RERE: variants seen among roughly 807,000 people sequenced by gnomAD.
RERE encodes the protein arginine-glutamic acid dipeptide repeats, also known as arginine-glutamic acid dipeptide repeats protein.
In RERE, 40 loss-of-function variants were observed where a neutral mutation model predicts 146.1. The observed-to-expected ratio is 0.27, with a 90% CI of 0.21 to 0.36. The LOEUF is 0.36. Ranked by LOEUF, RERE falls within the 10% of genes least tolerant of loss-of-function variation. RERE has a pLI of 1.00. For missense variants in RERE, 1,933 were observed against 2,138.7 expected (o/e 0.90, Z 1.90); for synonymous variants, 1,003 against 866.0 (o/e 1.16, Z -2.78).
chr1:8,660,735 C>G (rs967164351), intron 1 of RERE, among the ~76,000 whole-genome samples: 2 of 152,206 alleles, frequency 1.3e-5, no homozygotes, highest in East Asian at 1.9e-4. Context: ...GCCCCCAAAG[C>G]TATTTTTCTC....
intron 4 of RERE, among the ~76,000 whole-genome samples, chr1:8,568,257 G>A (rs746217491): frequency 3.3e-5 from 5 of 152,196 alleles, no homozygotes; most frequent in Admixed American, 6.5e-5. Flanking sequence ...TCACACCAGC[G>A]GCCCCCCAGG....
At chr1:8,652,270 C>G (rs892356256) in intron 2 of RERE, among the ~76,000 whole-genome samples, 1 of 152,184 alleles carries the variant, frequency 6.6e-6, no homozygotes, top group Non-Finnish European at 1.5e-5. Context: ...CCATGTGTGG[C>G]CTTTATAGAT....
intron 1 of RERE, among the ~76,000 whole-genome samples, chr1:8,703,719 T>C (rs1387832745): frequency 6.6e-6 from 1 of 152,160 alleles, no homozygotes; most frequent in African/African-American, 2.4e-5. Context: ...TGATCAGCAT[T>C]TCACACATCC....
At chr1:8,409,785 C>G (rs1643561025) in intron 12 of RERE, among the ~76,000 whole-genome samples, 1 of 152,096 alleles carries the variant, frequency 6.6e-6, no homozygotes, top group South Asian at 2.1e-4. Flanking sequence ...TCAGCATGGA[C>G]AAGTTCCTGG....
At chr1:8,799,945 T>C (rs1402652220) in intron 1 of RERE, among the ~76,000 whole-genome samples, 1 of 151,896 alleles carries the variant, frequency 6.6e-6, no homozygotes, top group African/African-American at 2.4e-5. Flanking sequence ...TCCCAAGTAG[T>C]TGGGATTACA....
chr1:8,592,156 T>C (rs577931582), intron 4 of RERE, among the ~76,000 whole-genome samples: 1 of 152,270 alleles, frequency 6.6e-6, no homozygotes, highest in African/African-American at 2.4e-5. Context: ...TCACAGGCCA[T>C]TTCATGTTTA....
chr1:8,640,061 G>A (rs1448754560), intron 2 of RERE, among the ~76,000 whole-genome samples: 1 of 152,084 alleles, frequency 6.6e-6, no homozygotes, highest in African/African-American at 2.4e-5. Context: ...GCTGAAGTGG[G>A]GAGGACTGCT....
intron 11 of RERE, among the ~76,000 whole-genome samples, chr1:8,426,147 A>G (rs1644008950): frequency 6.6e-6 from 1 of 152,148 alleles, no homozygotes; most frequent in Non-Finnish European, 1.5e-5. Flanking sequence ...TAAAGTCCTC[A>G]GTATTCTTCC....
chr1:8,705,171 G>A (rs1639533289), intron 1 of RERE, among the ~76,000 whole-genome samples: 1 of 152,150 alleles, frequency 6.6e-6, no homozygotes, highest in Non-Finnish European at 1.5e-5. Context: ...GGAAAAGGCT[G>A]GTGAGAAGAA....
At chr1:8,522,201 T>C (rs1177489619) in intron 7 of RERE, among the ~76,000 whole-genome samples, 3 of 152,248 alleles carry the variant, frequency 2.0e-5, no homozygotes, top group Non-Finnish European at 4.4e-5. Flanking sequence ...TGATAACTAA[T>C]TATCTGTGCT....
chr1:8,792,883 G>A (rs1641388082), intron 1 of RERE, among the ~76,000 whole-genome samples: 1 of 152,102 alleles, frequency 6.6e-6, no homozygotes, highest in African/African-American at 2.4e-5. Context: ...AAGGCCGGGT[G>A]CAGTGGCTCA....
intron 1 of RERE, among the ~76,000 whole-genome samples, chr1:8,678,974 T>C (rs1638905621): frequency 6.6e-6 from 1 of 152,174 alleles, no homozygotes; most frequent in South Asian, 2.1e-4. Flanking sequence ...TTCAATTAAA[T>C]AAAATTTTTA....
chr1:8,714,403 T>C (rs1260726004), intron 1 of RERE, among the ~76,000 whole-genome samples: 1 of 152,190 alleles, frequency 6.6e-6, no homozygotes, highest in Non-Finnish European at 1.5e-5. Flanking sequence ...TGGAAGACAA[T>C]AGAGTAACGC....
intron 1 of RERE, among the ~76,000 whole-genome samples, chr1:8,811,191 G>C (rs1641800000): frequency 6.6e-6 from 1 of 152,138 alleles, no homozygotes; most frequent in South Asian, 2.1e-4. Context: ...CACACAGACA[G>C]ACATATGCCC....
At position 8,536,933 on chromosome 1, in the gene RERE, C is replaced by T. The variant is rs145983145; in HGVS notation, c.830+4281G>A. Among the ~76,000 whole-genome samples, 631 of 152,150 alleles carry T rather than the reference C, an allele frequency of 4.1e-3. 3 individuals are homozygous for T. Among genetic ancestry groups the T allele is most frequent in the African/African-American group, 0.014 (601 of 41,510 alleles). ...TAAGTTTTGTTCCCGCTGAGTGGAGCGGCTCATACCTGTACTCCCAGCACT... is the reference window on the plus strand; with the variant it reads ...TAAGTTTTGTTCCCGCTGAGTGGAGTGGCTCATACCTGTACTCCCAGCACT... On this transcript the variant is annotated intron_variant, in intron 7 of 22. Transcript: ENST00000400908.
chr1:8,383,865 T>TAAATAAAATAAAATAAAATAAAATA lies in RERE; in HGVS notation c.1285-17916_1285-17892dup, dbSNP rs59971377. Among the ~76,000 whole-genome samples the TAAATAAAATAAAATAAAATAAAATA allele has an allele frequency of 2.6e-3, 389 of 148,432 alleles. 1 individual carries two copies. The highest frequency in any genetic ancestry group is 9.2e-3 in the African/African-American group (369 of 40,042). The stretch of plus-strand genomic sequence containing the variant: ...CAAAGTGAGACTCTGTCTCAAAAAA[T>TAAATAAAATAAAATAAAATAAAATA]AAATAAAATAAAATAAAATAAAATA... On this transcript the variant is annotated intron_variant, in intron 12 of 22. Transcript: ENST00000400908.
At chr1:8,523,020 T>C (rs1424392042) in intron 7 of RERE, among the ~76,000 whole-genome samples, 1 of 150,760 alleles carries the variant, frequency 6.6e-6, no homozygotes, top group African/African-American at 2.4e-5. Context: ...CTACAGAAAA[T>C]ACAAAAAATT....
chr1:8,670,091 C>T (rs1384353427), intron 1 of RERE, among the ~76,000 whole-genome samples: 1 of 152,192 alleles, frequency 6.6e-6, no homozygotes, highest in Non-Finnish European at 1.5e-5. Flanking sequence ...ATTCAATTTG[C>T]TGTTTTCTAT....
At position 8,621,842 on chromosome 1, in the gene RERE, T is replaced by G. The variant is rs573553648; in HGVS notation, c.396+2468A>C. ...TTCAGTAAACTGAAGGAGAAAAAAA[T>G]CTTGATCATTCTCATCTGATTATCT... On this transcript the variant is annotated intron_variant, in intron 3 of 22. Transcript: ENST00000400908. Among the ~76,000 whole-genome samples, 3 of 152,336 alleles carry G rather than the reference T, an allele frequency of 2.0e-5. No individual in the cohort carries two copies. In the South Asian group the frequency reaches 6.2e-4, roughly 32 times the overall value.
Sources: allele counts gnomAD v4.1 joint callset (sites outside exome capture counted in the v4.1 genomes callset), GRCh38; gene constraint gnomAD v4.1.1; transcripts MANE v1.5; gene names NCBI Gene and HGNC (gene_info 2026-07-23, HGNC 2026-07-21).